Variants in IBTK observed in about 807,000 individuals in gnomAD.
IBTK encodes the protein BTK-binding protein.
IBTK carries 83 observed loss-of-function variants against 154.9 expected under a neutral mutation model. The observed-to-expected ratio is 0.54, with a 90% CI of 0.45 to 0.64. The LOEUF (loss-of-function observed/expected upper bound fraction) is 0.64, where lower values mean the gene tolerates loss of function less well. Ranked by LOEUF, IBTK falls within the 30% of genes least tolerant of loss-of-function variation. The probability of loss-of-function intolerance (pLI) is 0.00; values close to 1 mark genes in which losing one functional copy is unlikely to be tolerated. For synonymous variants in IBTK, 515 were observed against 536.1 expected, an observed-to-expected ratio of 0.96 and a Z score of 0.54; for missense variants, 1,332 against 1,584.6, an observed-to-expected ratio of 0.84 and a Z score of 2.71.
At chr6:82,235,830 T>C (rs1026568732) in intron 2 of IBTK, among the ~76,000 whole-genome samples, 1 of 152,180 alleles carries the variant, frequency 6.6e-6, no homozygotes, top group Admixed American at 6.5e-5. Context: ...ACATCAATAT[T>C]TATCAAGCAT....
intron 16 of IBTK, among the ~76,000 whole-genome samples, chr6:82,210,029 A>C (rs1184854256): frequency 6.6e-6 from 1 of 152,222 alleles, no homozygotes; most frequent in African/African-American, 2.4e-5. Flanking sequence ...CTGGGGTTAA[A>C]AAAAACTAAT....
chr6:82,200,535 GA>G, intron 20 of IBTK, 51 bp downstream of exon 20: 1 of 1,392,114 alleles, frequency 7.2e-7, no homozygotes, highest in Non-Finnish European at 9.5e-7. Context: ...ACACACTGGA[GA>G]AAAGAAGGAA....
chr6:82,172,681 A>G (rs1767969339), intron 27 of IBTK, 169 bp from the exon 28 acceptor site: 1 of 575,418 alleles, frequency 1.7e-6, no homozygotes, highest in Non-Finnish European at 2.8e-6. Context: ...TCATCTTCCT[A>G]AATTTTTGCA....
At chr6:82,198,594 A>T (rs1423036422) in intron 21 of IBTK, among the ~76,000 whole-genome samples, 1 of 152,106 alleles carries the variant, frequency 6.6e-6, no homozygotes, top group Non-Finnish European at 1.5e-5. Context: ...CCTGCCTAAC[A>T]AGCTTTTTTT....
chr6:82,205,038 C>A, intron 16 of IBTK, 80 bp from the exon 17 acceptor site: 1 of 685,270 alleles, frequency 1.5e-6, no homozygotes, highest in Non-Finnish European at 2.3e-6. Context: ...GTAATTAGTA[C>A]ACTAGAAAAG....
chr6:82,187,923 T>C (rs1768613714), intron 25 of IBTK, among the ~76,000 whole-genome samples: 1 of 152,100 alleles, frequency 6.6e-6, no homozygotes, highest in Admixed American at 6.5e-5. Flanking sequence ...GAAAACCTAT[T>C]ACAAATGGTG....
intron 1 of IBTK, among the ~76,000 whole-genome samples, chr6:82,245,388 T>A (rs1771105049): frequency 6.6e-6 from 1 of 151,850 alleles, no homozygotes; most frequent in African/African-American, 2.4e-5. Flanking sequence ...GTGAAAGCCA[T>A]CGCTACAAAA....
At position 82,225,691 on chromosome 6, in the gene IBTK, T is replaced by C. The variant is rs750330432; in HGVS notation, c.655-44A>G. 2.9e-6 allele frequency: 4 copies of C among 1,397,324 alleles called. No individual in the cohort carries two copies. The East Asian group carries it at 9.3e-5, about 33-fold the overall frequency. The allele number at this position is 1,397,324 out of a possible 1,614,324, so 86.6% of individuals were successfully genotyped here. A position where few individuals can be genotyped will look rare whatever the true frequency, so the allele number is the denominator to read the frequency against. ...TTTAGTATACTACATTAACCATTTA[T>C]ACAGATATGCAAATAGAATTTGATG... On this transcript the variant is annotated intron_variant, in intron 5 of 28. Transcript: ENST00000306270.
chr6:82,219,207 G>A (rs1192728882), intron 9 of IBTK, among the ~76,000 whole-genome samples: 3 of 151,802 alleles, frequency 2.0e-5, no homozygotes, highest in African/African-American at 4.8e-5. Context: ...GTGGTTTGCT[G>A]CACAGAGCAT....
In IBTK at chr6:82,173,380, GA is replaced by G; in HGVS notation, c.3783del (p.Leu1262Ter). On this transcript the variant is annotated frameshift_variant, in exon 27 of 29. Transcript: ENST00000306270. LOFTEE classifies it high-confidence loss of function. ...PEGNHISDLP[L>X]LDSPNPWLSS... The stretch of plus-strand genomic sequence containing the variant: ...AATTAACCTTACTTGGGACTGTCTA[GA>G]AGTGGTAAATCTGAAATATGGTTGC... The G allele has an allele frequency of 6.2e-7, 1 of 1,612,956 alleles. No homozygotes were observed. The highest frequency in any genetic ancestry group is 8.5e-7 in the Non-Finnish European group (1 of 1,179,030).
chr6:82,233,321 T>C (rs554555571), intron 3 of IBTK, among the ~76,000 whole-genome samples: 75 of 152,200 alleles, frequency 4.9e-4, no homozygotes, highest in South Asian at 1.0e-3. Flanking sequence ...AGCGAGACCC[T>C]ATCTCAACAA....
intron 23 of IBTK, among the ~76,000 whole-genome samples, chr6:82,193,170 A>C (rs1214546108): frequency 6.6e-6 from 1 of 152,174 alleles, no homozygotes; most frequent in African/African-American, 2.4e-5. Context: ...TTTCATCAAA[A>C]ACAAATTCTA....
chr6:82,231,966 G>A (rs796225310), intron 3 of IBTK, 124 bp from the exon 4 acceptor site: 122 of 527,504 alleles, frequency 2.3e-4, no homozygotes, highest in African/African-American at 2.1e-3. Context: ...TATGATATTA[G>A]GTAATTCTAG....
At chr6:82,233,711 G>GTTTT (rs375746607) in intron 3 of IBTK, among the ~76,000 whole-genome samples, 21,749 of 122,038 alleles carry the variant, frequency 0.18, 1,985 homozygotes, top group Non-Finnish European at 0.19. Context: ...CATTTGTAAA[G>GTTTT]TTTTTTTTTT....
At chr6:82,221,894 G>T (rs1424054260) in intron 8 of IBTK, among the ~76,000 whole-genome samples, 3 of 152,172 alleles carry the variant, frequency 2.0e-5, no homozygotes, top group Non-Finnish European at 4.4e-5. Context: ...GCCAGGTGCA[G>T]TGGCTCACGC....
rs376992530 is a variant in IBTK at position 82,230,646 on chromosome 6, G to C, written c.543+1072C>G. Among the ~76,000 whole-genome samples, 11 of 152,206 alleles carry C rather than the reference G, an allele frequency of 7.2e-5. No homozygotes were observed. The East Asian group carries it at 2.1e-3, about 29-fold the overall frequency. ...TTTATAACATTAAAAATTGAATAGG[G>C]TAGTTTAGGAGTGGCAAAAATAACA... On this transcript the variant is annotated intron_variant, in intron 4 of 28. Coordinates refer to ENST00000306270, the MANE Select transcript of IBTK (RefSeq NM_015525.4).
rs762643621 is a variant in IBTK, at chr6:82,171,512, T to C, written c.3975A>G (p.Ala1325=). ...TGACAAACTCTTCAGGGTTGCCAAA[T>C]GCCTCATAGAAAACCAATAAATCTT... ...AIQDLLVFYE[A]FGNPEEFVIV... Residue 1325 remains alanine, a synonymous_variant, in exon 29 of 29, where the codon GCA becomes GCG. Coordinates refer to ENST00000306270, the MANE Select transcript of IBTK (RefSeq NM_015525.4). 1.9e-6 allele frequency: 3 copies of C among 1,612,364 alleles called. No individual in the cohort carries two copies. Among genetic ancestry groups the C allele is most frequent in the Non-Finnish European group, 2.5e-6 (3 of 1,178,954 alleles).
chr6:82,192,854 C>T (rs1245935702), intron 23 of IBTK, among the ~76,000 whole-genome samples: 2 of 151,836 alleles, frequency 1.3e-5, no homozygotes, highest in African/African-American at 4.8e-5. Context: ...AATCCCAGCA[C>T]TTTGGGAGGC....
intron 13 of IBTK, 69 bp downstream of exon 13, chr6:82,212,638 A>C: frequency 3.2e-6 from 3 of 924,484 alleles, no homozygotes; most frequent in Non-Finnish European, 5.4e-6. Context: ...GTGGGTAAGC[A>C]GAGATCTATT....
Sources: gnomAD v4.1 joint callset for allele counts (sites outside exome capture counted in the v4.1 genomes callset) on GRCh38, gnomAD v4.1.1 for gene constraint, MANE v1.5 for transcripts, NCBI Gene and HGNC (gene_info 2026-07-23, HGNC 2026-07-21) for gene names.